SOAT1: variants seen among roughly 807,000 people sequenced by gnomAD.
The protein encoded by SOAT1 is sterol O-acyltransferase 1, also known as acyl-coenzyme A:cholesterol acyltransferase 1.
In SOAT1, 55 loss-of-function variants were observed where a neutral mutation model predicts 69.5. The ratio of observed to expected loss-of-function variants is 0.79; its 90% CI spans 0.64 to 0.99. The LOEUF is 0.99. Ranked by LOEUF, SOAT1 falls within the 50% of genes least tolerant of loss-of-function variation. SOAT1 has a pLI of 0.00. For missense variants in SOAT1, 580 were observed against 669.3 expected (o/e 0.87, Z 1.47); for synonymous variants, 231 against 224.7 (o/e 1.03, Z -0.25).
At chr1:179,331,001 G>A (rs941770422) in intron 3 of SOAT1, among the ~76,000 whole-genome samples, 1 of 152,142 alleles carries the variant, frequency 6.6e-6, no homozygotes, top group African/African-American at 2.4e-5. Context: ...ACTAAGAAAG[G>A]GGGTAGGCAC....
At position 179,341,196 on chromosome 1, in the gene SOAT1, C is replaced by T; in HGVS notation, c.666C>T (p.Phe222=). ...CTCATCCGCTGATCCGTTCTCTCTT[C>T]CATGGCTTTCTTTTCATGATCTTCC... The part of the protein sequence containing the change: ...KSSHPLIRSL[F]HGFLFMIFQI... Residue 222 remains phenylalanine (F), a synonymous_variant, in exon 7 of 16, where the codon TTC becomes TTT. Transcript: ENST00000367619. The T allele has an allele frequency of 6.2e-7, 1 of 1,614,138 alleles. No individual in the cohort carries two copies. Among genetic ancestry groups the T allele is most frequent in the Non-Finnish European group, 8.5e-7 (1 of 1,180,010 alleles).
intron 1 of SOAT1, among the ~76,000 whole-genome samples, chr1:179,294,880 C>G (rs1347013822): frequency 6.6e-6 from 1 of 152,010 alleles, no homozygotes; most frequent in African/African-American, 2.4e-5. Context: ...GTTTAAACCA[C>G]TTTTTTCTTT....
chr1:179,343,413 G>C (rs1039738545), intron 9 of SOAT1, among the ~76,000 whole-genome samples, 177 bp from the exon 10 acceptor site: 1 of 151,964 alleles, frequency 6.6e-6, no homozygotes, highest in Non-Finnish European at 1.5e-5. Flanking sequence ...TTTTATTAGA[G>C]ACGGGGTTTC....
At chr1:179,349,625 G>A (rs1488404033) in intron 13 of SOAT1, among the ~76,000 whole-genome samples, 1 of 151,998 alleles carries the variant, frequency 6.6e-6, no homozygotes, top group African/African-American at 2.4e-5. Context: ...CCGTGCCCGG[G>A]TGAGAAACAC....
intron 3 of SOAT1, among the ~76,000 whole-genome samples, chr1:179,324,888 C>T (rs61824365): frequency 0.22 from 32,999 of 151,958 alleles, 4,591 homozygotes; most frequent in East Asian, 0.38. Flanking sequence ...CTGCAACCTC[C>T]GCCTCCTGGG....
At position 179,355,969 on chromosome 1, in the gene SOAT1, A is replaced by G. The variant is rs976994613; in HGVS notation, c.*2328A>G. ...GCACTTCAAGGAATGGTCACTTTCT[A>G]TGAAAGAAACTGGTTTGATAGCCAT... On this transcript the variant is annotated 3_prime_UTR_variant, in exon 16 of 16. Transcript: ENST00000367619. 1 of 152,238 alleles carries G rather than the reference A, an allele frequency of 6.6e-6. No homozygotes were observed. The highest frequency in any genetic ancestry group is 2.4e-5 in the African/African-American group (1 of 41,460). The allele number at this position is 152,238 out of a possible 1,614,324, so 9.4% of individuals were successfully genotyped here. A position where few individuals can be genotyped will look rare whatever the true frequency, so the allele number is the denominator to read the frequency against.
In SOAT1 at chr1:179,356,012, C is replaced by CT. The variant is rs1314907448; in HGVS notation, c.*2375dup. ...ATAGCCATAATCTTATTGCTAGCTG[C>CT]TTTTAGCAAAAGTCTTTTCTTGAAA... On this transcript the variant is annotated 3_prime_UTR_variant, in exon 16 of 16. Transcript: ENST00000367619. 2.0e-5 allele frequency: 3 copies of CT among 152,172 alleles called. No homozygotes were observed. Among genetic ancestry groups the CT allele is most frequent in the Admixed American group, 6.5e-5 (1 of 15,278 alleles). 9.4% of individuals were successfully genotyped at this position (152,172 alleles called of 1,614,324 possible). A position where few individuals can be genotyped will look rare whatever the true frequency, so the allele number is the denominator to read the frequency against.
chr1:179,302,173 A>G (rs1481605497), intron 1 of SOAT1, among the ~76,000 whole-genome samples: 1 of 152,150 alleles, frequency 6.6e-6, no homozygotes, highest in Non-Finnish European at 1.5e-5. Flanking sequence ...AGTATCTTGT[A>G]CCCAGAAAAT....
At chr1:179,319,258 T>A (rs1411340143) in intron 2 of SOAT1, among the ~76,000 whole-genome samples, 1 of 150,190 alleles carries the variant, frequency 6.7e-6, no homozygotes, top group Non-Finnish European at 1.5e-5. Context: ...ATCTGTTCAG[T>A]TACTTTGCCT....
chr1:179,331,378 GCTAA>G (rs781393979), intron 3 of SOAT1, among the ~76,000 whole-genome samples: 30 of 152,082 alleles, frequency 2.0e-4, no homozygotes, highest in Admixed American at 3.3e-4. Context: ...CTGTTCTCAT[GCTAA>G]CTGAGAACAC....
At chr1:179,331,786 G>GT (rs1384465041) in intron 3 of SOAT1, among the ~76,000 whole-genome samples, 2 of 152,132 alleles carry the variant, frequency 1.3e-5, no homozygotes, top group South Asian at 4.1e-4. Context: ...TCAATTTAGT[G>GT]TAAGTCCTAA....
intron 13 of SOAT1, among the ~76,000 whole-genome samples, chr1:179,349,639 T>C (rs1249621643): frequency 2.0e-5 from 3 of 152,172 alleles, no homozygotes; most frequent in Admixed American, 6.5e-5. Flanking sequence ...GAAACACTTT[T>C]CTGTGAGAAA....
At position 179,358,078 on chromosome 1, in the gene SOAT1, C is replaced by T. The variant is rs1171806572; in HGVS notation, c.*4437C>T. 6.6e-6 allele frequency: 1 copy of T among 152,032 alleles called. No individual in the cohort carries two copies. The highest frequency in any genetic ancestry group is 1.5e-5 in the Non-Finnish European group (1 of 67,994). 9.4% of individuals were successfully genotyped at this position (152,032 alleles called of 1,614,324 possible). A position where few individuals can be genotyped will look rare whatever the true frequency, so the allele number is the denominator to read the frequency against. On this transcript the variant is annotated 3_prime_UTR_variant, in exon 16 of 16. Transcript: ENST00000367619. ...AGTAGACAATAATAAAGTTGATAAGCTTTAGGTTGGTAGGAAAGCTATGTA... is the reference window on the plus strand; with the variant it reads ...AGTAGACAATAATAAAGTTGATAAGTTTTAGGTTGGTAGGAAAGCTATGTA...
intron 1 of SOAT1, among the ~76,000 whole-genome samples, chr1:179,296,492 C>A (rs1180340267): frequency 6.6e-6 from 1 of 152,066 alleles, no homozygotes; most frequent in Non-Finnish European, 1.5e-5. Flanking sequence ...CTTTGTTTTG[C>A]ATTTTTTTTG....
chr1:179,309,284 A>G (rs1185561191), intron 2 of SOAT1, among the ~76,000 whole-genome samples: 1 of 152,110 alleles, frequency 6.6e-6, no homozygotes, highest in African/African-American at 2.4e-5. Context: ...GGGTTTCACC[A>G]TGTTGGTCAG....
chr1:179,311,091 TGTG>T (rs1018664067), intron 2 of SOAT1, among the ~76,000 whole-genome samples: 12 of 152,162 alleles, frequency 7.9e-5, no homozygotes. Context: ...TGAGGCCAGA[TGTG>T]GTGGCTCACG....
intron 2 of SOAT1, among the ~76,000 whole-genome samples, chr1:179,318,902 C>T (rs943120235): frequency 4.6e-5 from 7 of 152,114 alleles, no homozygotes; most frequent in Middle Eastern, 3.2e-3. Flanking sequence ...ACTAATGCTG[C>T]CCATGAATAT....
intron 2 of SOAT1, among the ~76,000 whole-genome samples, chr1:179,303,039 A>G (rs148447238): frequency 7.2e-4 from 110 of 152,294 alleles, no homozygotes; most frequent in African/African-American, 2.5e-3. Context: ...TAACCTACCA[A>G]TAATTGCTGA....
chr1:179,308,203 C>A (rs1665083103), intron 2 of SOAT1, among the ~76,000 whole-genome samples: 1 of 152,090 alleles, frequency 6.6e-6, no homozygotes, highest in Non-Finnish European at 1.5e-5. Context: ...TACATGAAAT[C>A]CTCTAATATT....
Sources: gnomAD v4.1 joint callset for allele counts (sites outside exome capture counted in the v4.1 genomes callset) on GRCh38, gnomAD v4.1.1 for gene constraint, MANE v1.5 for transcripts, NCBI Gene and HGNC (gene_info 2026-07-23, HGNC 2026-07-21) for gene names.